NR1H2: variants seen among roughly 807,000 people sequenced by gnomAD.
NR1H2 encodes oxysterols receptor LXR-beta.
Under a neutral mutation model 51.2 loss-of-function variants are expected in NR1H2, and 33 were observed. That is an observed-to-expected ratio of 0.64 (90% CI 0.49 to 0.86). The LOEUF (loss-of-function observed/expected upper bound fraction) is 0.86. NR1H2 is among the 40% of genes least tolerant of loss of function. NR1H2 has a pLI of 0.00. For synonymous variants in NR1H2, 310 were observed against 264.3 expected (o/e 1.17, Z -1.68); for missense variants, 592 against 639.9 (o/e 0.93, Z 0.81).
chr19:50,382,731 T>C lies in NR1H2; in HGVS notation c.*129T>C. ...TGTAGACCTATCGGCTCTCATCCCTTGGGATAAGCCCCAGTCCAGGTCCAG... is the reference window on the plus strand; with the variant it reads ...TGTAGACCTATCGGCTCTCATCCCTCGGGATAAGCCCCAGTCCAGGTCCAG... On this transcript the variant is annotated 3_prime_UTR_variant, in exon 10 of 10. Transcript: ENST00000253727. 1 of 997,034 alleles carries C rather than the reference T, an allele frequency of 1.0e-6. No individual in the cohort carries two copies. The highest frequency in any genetic ancestry group is 1.4e-6 in the Non-Finnish European group (1 of 698,008). 61.8% of individuals were successfully genotyped at this position (997,034 alleles called of 1,614,324 possible). A position where few individuals can be genotyped will look rare whatever the true frequency, so the allele number is the denominator to read the frequency against.
At chr19:50,377,892 G>A (rs2037694847) in intron 4 of NR1H2, 22 bp downstream of exon 4, 1 of 1,526,920 alleles carries the variant, frequency 6.5e-7, no homozygotes, top group Admixed American at 2.2e-5. Context: ...CCCTGGAGTT[G>A]ATGTGGGGGC....
intron 8 of NR1H2, among the ~76,000 whole-genome samples, chr19:50,380,609 C>A (rs1210671769): frequency 6.6e-6 from 1 of 152,128 alleles, no homozygotes; most frequent in Non-Finnish European, 1.5e-5. Context: ...CCTTTCACCA[C>A]CCGAGACGGT....
intron 3 of NR1H2, 32 bp downstream of exon 3, chr19:50,377,680 T>C (rs781474523): frequency 1.1e-5 from 18 of 1,607,362 alleles, no homozygotes; most frequent in Non-Finnish European, 1.4e-5. Flanking sequence ...CCAGCCCTTA[T>C]CACACACGAG....
In NR1H2 at chr19:50,382,558, A is replaced by C. The variant is rs2037796343; in HGVS notation, c.1339A>C (p.Lys447Gln). The C allele has an allele frequency of 6.2e-7, 1 of 1,605,796 alleles. No homozygotes were observed. The highest frequency in any genetic ancestry group is 1.3e-5 in the African/African-American group (1 of 74,776). The change falls in exon 10 of 10, where the codon AAG becomes CAG. Residue 447 changes from lysine (K) to glutamine (Q), a missense_variant. This residue lies in a region of NR1H2 where 174 missense variants were observed against 174.0 expected (regional missense o/e 1.00). Transcript: ENST00000253727. ...QVFALRLQDK[K>Q]LPPLLSEIWD... ...CTTCGCCTTGCGGCTCCAGGACAAG[A>C]AGCTGCCGCCTCTGCTGTCGGAGAT...
chr19:50,377,898 G>T, intron 4 of NR1H2, 28 bp downstream of exon 4: 1 of 1,522,164 alleles, frequency 6.6e-7, no homozygotes, highest in South Asian at 1.3e-5. Context: ...AGTTGATGTG[G>T]GGGCTTGGGG....
At chr19:50,380,767 A>G (rs945490907) in intron 8 of NR1H2, among the ~76,000 whole-genome samples, 2 of 152,132 alleles carry the variant, frequency 1.3e-5, no homozygotes, top group Non-Finnish European at 1.5e-5. Flanking sequence ...GCTGGAGCAC[A>G]AGGAGATGGG....
chr19:50,382,210 A>G (rs956479703), intron 9 of NR1H2, 36 bp downstream of exon 9: 365 of 1,482,278 alleles, frequency 2.5e-4, no homozygotes, highest in Non-Finnish European at 3.2e-4. Flanking sequence ...AGAGCCAACT[A>G]CGTCCCGCGG....
intron 5 of NR1H2, 29 bp from the exon 6 acceptor site, chr19:50,378,493 G>A (rs777155461): frequency 6.3e-7 from 1 of 1,588,750 alleles, no homozygotes; most frequent in Non-Finnish European, 8.6e-7. Context: ...TAGCCCTGGG[G>A]TTCTGCTGAG....
intron 8 of NR1H2, among the ~76,000 whole-genome samples, chr19:50,380,108 C>A (rs1358453930): frequency 6.6e-6 from 1 of 152,144 alleles, no homozygotes; most frequent in Non-Finnish European, 1.5e-5. Flanking sequence ...TATAGTGAGC[C>A]GTGATTGTGC....
At position 50,378,447 on chromosome 19, in the gene NR1H2, C is replaced by G. The variant is rs755873357; in HGVS notation, c.472+8C>G. On this transcript the variant is annotated splice_region_variant and intron_variant, in intron 5 of 9. Coordinates refer to ENST00000253727, the MANE Select transcript of NR1H2 (RefSeq NM_007121.7). ...CAGGGATGAGGGAGCAGTGTGAGTG[C>G]AGCGGGAGGGGGCGGTGCCGGCCTG... The G allele has an allele frequency of 6.3e-7, 1 of 1,587,678 alleles. No homozygotes were observed. Among genetic ancestry groups the G allele is most frequent in the Non-Finnish European group, 8.6e-7 (1 of 1,163,972 alleles).
chr19:50,379,901 G>A (rs752233634), intron 8 of NR1H2, 22 bp downstream of exon 8: 19 of 1,535,910 alleles, frequency 1.2e-5, no homozygotes, highest in African/African-American at 2.7e-5. Context: ...GGGAGGCTTC[G>A]GGGAGGCTTG....
intron 2 of NR1H2, chr19:50,377,362 A>C: frequency 2.2e-6 from 1 of 463,414 alleles, no homozygotes; most frequent in Non-Finnish European, 3.8e-6. Context: ...GGCCTACAGC[A>C]GGGGCGGGGC....
chr19:50,380,166 A>T (rs940875973), intron 8 of NR1H2, among the ~76,000 whole-genome samples: 8 of 146,922 alleles, frequency 5.4e-5, no homozygotes, highest in Non-Finnish European at 1.0e-4. Context: ...TCTATTTTTT[A>T]AAAAAAGCAT....
chr19:50,379,288 G>T (rs1009845266), intron 7 of NR1H2, 107 bp downstream of exon 7: 6 of 1,189,462 alleles, frequency 5.0e-6, no homozygotes, highest in African/African-American at 1.5e-5. Flanking sequence ...GACATTCCAC[G>T]GCGAATAGAG....
Position 50,378,768 on chromosome 19 carries a change from G to A in NR1H2, c.719G>A (p.Arg240His), listed in dbSNP as rs748179975. The change falls in exon 6 of 10, where the codon CGC (arginine) becomes CAC (histidine). Residue 240 changes from arginine (R) to histidine (H), a missense_variant. By Grantham distance (29) the Arg-to-His change is conservative. This residue lies in a region of NR1H2 where 102 missense variants were observed against 152.4 expected (regional missense o/e 0.67). Coordinates refer to ENST00000253727, the MANE Select transcript of NR1H2 (RefSeq NM_007121.7). ...LVAAQLQCNK[R>H]SFSDQPKVTP... The stretch of plus-strand genomic sequence containing the variant: ...GCGGCCCAACTGCAGTGCAACAAAC[G>A]CTCCTTCTCCGACCAGCCCAAAGTC... 6.2e-7 allele frequency: 1 copy of A among 1,613,760 alleles called. No individual in the cohort carries two copies. The highest frequency in any genetic ancestry group is 8.5e-7 in the Non-Finnish European group (1 of 1,180,022).
At chr19:50,380,246 C>T (rs767737863) in intron 8 of NR1H2, among the ~76,000 whole-genome samples, 1 of 152,234 alleles carries the variant, frequency 6.6e-6, no homozygotes, top group Non-Finnish European at 1.5e-5. Context: ...GTTACCACAT[C>T]AGGCATCTTG....
In NR1H2 at chr19:50,377,755, C is replaced by T. The variant is rs544840857; in HGVS notation, c.66C>T (p.Gly22=). The part of the protein sequence containing the change: ...PLPGNGPPQP[G]APSSSPTVKE... ...CAGGAAATGGCCCCCCTCAGCCTGG[C>T]GCCCCTTCTTCTTCACCCACTGTAA... Residue 22 remains glycine, a synonymous_variant, in exon 4 of 10, where the codon GGC becomes GGT. Coordinates refer to ENST00000253727, the MANE Select transcript of NR1H2 (RefSeq NM_007121.7). The T allele has an allele frequency of 1.3e-4, 203 of 1,607,648 alleles. No individual in the cohort carries two copies. Among genetic ancestry groups the T allele is most frequent in the Non-Finnish European group, 1.6e-4 (191 of 1,176,866 alleles).
At position 50,378,934 on chromosome 19, in the gene NR1H2, C is replaced by T; in HGVS notation, c.748-68C>T. ...AGGATCCCCCAGGGTGCAGGCTTGG[C>T]CTCAAGGTGGCCACCCAGACTTAGG... On this transcript the variant is annotated intron_variant, in intron 6 of 9. Transcript: ENST00000253727. 2.6e-6 allele frequency: 4 copies of T among 1,553,188 alleles called. No individual in the cohort carries two copies. The South Asian group carries it at 3.7e-5, about 14-fold the overall frequency.
At position 50,378,755 on chromosome 19, in the gene NR1H2, CA is replaced by C. The variant is rs1468721508; in HGVS notation, c.707del (p.Gln236ArgfsTer68). Reference sequence around the variant, plus strand: ...CCAGCAGTTGGTGGCGGCCCAACTGCAGTGCAACAAACGCTCCTTCTCCGAC... The same window carrying C: ...CCAGCAGTTGGTGGCGGCCCAACTGCGTGCAACAAACGCTCCTTCTCCGAC... Reference protein sequence around the residue: ...MIQQLVAAQLQCNKRSFSDQP... With the variant: ...MIQQLVAAQLXCNKRSFSDQP... On this transcript the variant is annotated frameshift_variant, in exon 6 of 10. Transcript: ENST00000253727. LOFTEE classifies it high-confidence loss of function. 4.3e-6 allele frequency: 7 copies of C among 1,613,754 alleles called. No individual in the cohort carries two copies. The highest frequency in any genetic ancestry group is 5.9e-6 in the Non-Finnish European group (7 of 1,180,042).
Sources: gnomAD v4.1 joint callset for allele counts (sites outside exome capture counted in the v4.1 genomes callset) on GRCh38, gnomAD v4.1.1 for gene constraint, gnomAD v4.1.1 regional missense constraint, MANE v1.5 for transcripts, NCBI Gene and HGNC (gene_info 2026-07-23, HGNC 2026-07-21) for gene names.